The following PRKCE variants were observed in gnomAD, a reference collection of about 807,000 sequenced individuals.
PRKCE encodes protein kinase C epsilon type.
PRKCE carries 16 observed loss-of-function variants against 85.4 expected under a neutral mutation model. The ratio of observed to expected loss-of-function variants is 0.19; its 90% CI spans 0.13 to 0.28. The LOEUF is 0.28. Ranked by LOEUF, PRKCE falls within the 10% of genes least tolerant of loss-of-function variation. PRKCE has a pLI of 1.00. For synonymous variants in PRKCE, 388 were observed against 371.5 expected (o/e 1.04, Z -0.51); for missense variants, 573 against 975.2 (o/e 0.59, Z 5.49).
chr2:45,763,200 C>A (rs1684656270), intron 1 of PRKCE, among the ~76,000 whole-genome samples: 1 of 152,138 alleles, frequency 6.6e-6, no homozygotes, highest in South Asian at 2.1e-4. Context: ...GTGATCCTCC[C>A]ACCTCGGCCT....
At chr2:45,998,179 G>C (rs1346153766) in intron 6 of PRKCE, among the ~76,000 whole-genome samples, 1 of 151,664 alleles carries the variant, frequency 6.6e-6, no homozygotes, top group South Asian at 2.1e-4. Context: ...TAATGTTGCT[G>C]TTGATTCAGT....
chr2:45,787,920 C>A (rs1185114586), intron 1 of PRKCE, among the ~76,000 whole-genome samples: 1 of 152,212 alleles, frequency 6.6e-6, no homozygotes, highest in Admixed American at 6.5e-5. Context: ...CTGCCAGCCA[C>A]AGAGGCTTCT....
At chr2:46,085,559 T>C (rs867536194) in intron 10 of PRKCE, among the ~76,000 whole-genome samples, 2 of 116,932 alleles carry the variant, frequency 1.7e-5, no homozygotes, top group African/African-American at 6.7e-5. Flanking sequence ...CTTTGGCTTG[T>C]GACTGTTTCA....
Position 45,651,986 on chromosome 2 carries a change from G to T in PRKCE, c.-115G>T, listed in dbSNP as rs1270066804. 1 of 803,924 alleles carries T rather than the reference G, an allele frequency of 1.2e-6. No homozygotes were observed. Among genetic ancestry groups the T allele is most frequent in the Non-Finnish European group, 2.0e-6 (1 of 497,000 alleles). The allele number at this position is 803,924 out of a possible 1,614,324, so 49.8% of individuals were successfully genotyped here. A position where few individuals can be genotyped will look rare whatever the true frequency, so the allele number is the denominator to read the frequency against. ...CCACAAGGTGTAGGGAGTGTGCGGG[G>T]TGGGGCGAAAGGGGACCCAAGAGTC... On this transcript the variant is annotated 5_prime_UTR_variant, in exon 1 of 15. Coordinates refer to ENST00000306156, the MANE Select transcript of PRKCE (RefSeq NM_005400.3).
intron 2 of PRKCE, among the ~76,000 whole-genome samples, chr2:45,950,029 A>G (rs1192971650): frequency 6.6e-6 from 1 of 152,132 alleles, no homozygotes; most frequent in Non-Finnish European, 1.5e-5. Context: ...TAAGTTGAAA[A>G]TGCATTAATT....
chr2:46,015,405 C>A (rs1706039681), intron 10 of PRKCE, among the ~76,000 whole-genome samples: 1 of 152,030 alleles, frequency 6.6e-6, no homozygotes, highest in Non-Finnish European at 1.5e-5. Context: ...TCTACCCATC[C>A]CCCACCCTTT....
intron 6 of PRKCE, among the ~76,000 whole-genome samples, chr2:45,999,640 G>T (rs1448119729): frequency 6.6e-6 from 1 of 151,930 alleles, no homozygotes; most frequent in Non-Finnish European, 1.5e-5. Flanking sequence ...GTTTGGTTTG[G>T]TGTCTGACAT....
At chr2:46,142,998 A>G (rs1219221581) in intron 11 of PRKCE, among the ~76,000 whole-genome samples, 2 of 152,192 alleles carry the variant, frequency 1.3e-5, no homozygotes, top group African/African-American at 2.4e-5. Context: ...AAGTCAACCA[A>G]TGTGAAGGCA....
chr2:46,039,740 G>A (rs552095962), intron 10 of PRKCE, among the ~76,000 whole-genome samples: 3 of 152,248 alleles, frequency 2.0e-5, no homozygotes, highest in East Asian at 1.9e-4. Flanking sequence ...TCAGGATGAC[G>A]ATATTGACAT....
At chr2:46,102,943 C>T (rs1429753319) in intron 11 of PRKCE, among the ~76,000 whole-genome samples, 2 of 152,172 alleles carry the variant, frequency 1.3e-5, no homozygotes, top group African/African-American at 2.4e-5. Flanking sequence ...CTTTTCCATA[C>T]TGTATTCTTT....
At chr2:45,801,246 A>G (rs1687843957) in intron 1 of PRKCE, among the ~76,000 whole-genome samples, 1 of 152,162 alleles carries the variant, frequency 6.6e-6, no homozygotes, top group African/African-American at 2.4e-5. Context: ...TGTTAAGCTG[A>G]CCAGTGGCCA....
At position 46,159,509 on chromosome 2, in the gene PRKCE, G is replaced by A; in HGVS notation, c.1921-97G>A. 1 of 1,327,472 alleles carries A rather than the reference G, an allele frequency of 7.5e-7. No individual in the cohort carries two copies. The highest frequency in any genetic ancestry group is 1.0e-6 in the Non-Finnish European group (1 of 992,324). 82.2% of individuals were successfully genotyped at this position (1,327,472 alleles called of 1,614,324 possible). ...GCAAAGAACAGACTTGGGAGGCGAT[G>A]CTGAAGATGCTGCTTTGGCTGACCT... is the stretch of plus-strand genomic sequence containing the variant. On this transcript the variant is annotated intron_variant, in intron 13 of 14. Coordinates refer to ENST00000306156, the MANE Select transcript of PRKCE (RefSeq NM_005400.3). This position sits in a 1 kb window ranked among gnomAD's most constrained non-coding sequence, Gnocchi z 4.1.
intron 2 of PRKCE, among the ~76,000 whole-genome samples, chr2:45,952,600 C>T (rs1192470215): frequency 6.6e-6 from 1 of 152,192 alleles, no homozygotes; most frequent in Admixed American, 6.5e-5. Flanking sequence ...ATTTACCAAA[C>T]AGTTGAATTA....
chr2:45,801,964 C>T (rs1358151349), intron 1 of PRKCE, among the ~76,000 whole-genome samples: 1 of 151,870 alleles, frequency 6.6e-6, no homozygotes, highest in Non-Finnish European at 1.5e-5. Context: ...GAAAGCAATA[C>T]TAGGCCAGGC....
chr2:45,971,851 C>G (rs898536405), intron 2 of PRKCE, among the ~76,000 whole-genome samples: 8 of 152,162 alleles, frequency 5.3e-5, no homozygotes, highest in Non-Finnish European at 1.2e-4. Context: ...TTTTTTTAAC[C>G]ATTCATCCAT....
chr2:45,890,482 C>T (rs574584393), intron 2 of PRKCE, among the ~76,000 whole-genome samples: 1 of 152,054 alleles, frequency 6.6e-6, no homozygotes, highest in Non-Finnish European at 1.5e-5. Flanking sequence ...CAGGTTCAAG[C>T]AATTCTCGTG....
intron 1 of PRKCE, chr2:45,686,158 A>C (rs867312101): frequency 6.6e-6 from 1 of 152,164 alleles, no homozygotes; most frequent in African/African-American, 2.4e-5. Context: ...GGGCTTTAGC[A>C]GGGTAAATGT....
In PRKCE at chr2:46,004,753, T is replaced by C; in HGVS notation, c.1063+115T>C. Reference sequence around the variant, plus strand: ...TGTTAGCTGAAATAGCTAGCAGCCCTGGTGGGTTTTCACACACCCGTTGCC... The same window carrying C: ...TGTTAGCTGAAATAGCTAGCAGCCCCGGTGGGTTTTCACACACCCGTTGCC... On this transcript the variant is annotated intron_variant, in intron 8 of 14. Transcript: ENST00000306156. This position sits in a 1 kb window ranked among gnomAD's most constrained non-coding sequence, Gnocchi z 4.1. The C allele has an allele frequency of 1.1e-6, 1 of 912,826 alleles. No individual in the cohort carries two copies. The highest frequency in any genetic ancestry group is 1.5e-5 in the South Asian group (1 of 66,116). 56.5% of individuals were successfully genotyped at this position (912,826 alleles called of 1,614,324 possible).
intron 2 of PRKCE, among the ~76,000 whole-genome samples, chr2:45,904,260 A>C (rs930546054): frequency 1.3e-5 from 2 of 152,160 alleles, no homozygotes; most frequent in African/African-American, 4.8e-5. Context: ...AAACAGACAA[A>C]ACAGTTTCTT....
Sources: gnomAD v4.1 joint callset for allele counts (sites outside exome capture counted in the v4.1 genomes callset) on GRCh38, gnomAD v4.1.1 for gene constraint, Gnocchi (gnomAD v3.1) non-coding constraint, MANE v1.5 for transcripts, NCBI Gene and HGNC (gene_info 2026-07-23, HGNC 2026-07-21) for gene names.